MYO7A: variants seen among roughly 807,000 people sequenced by gnomAD.
The protein encoded by MYO7A is myosin VIIA, also known as unconventional myosin-VIIa.
A neutral mutation model predicts 263.8 loss-of-function variants in MYO7A; 210 were observed. That is an observed-to-expected ratio of 0.80 (90% CI 0.71 to 0.89). MYO7A has a LOEUF of 0.89. MYO7A is among the 40% of genes least tolerant of loss of function. The probability of loss-of-function intolerance (pLI) is 0.00; values close to 1 mark genes in which losing one functional copy is unlikely to be tolerated. For missense variants in MYO7A, 2,820 were observed against 2,968.3 expected (o/e 0.95, Z 1.16); for synonymous variants, 1,239 against 1,197.3 (o/e 1.03, Z -0.72).
intron 4 of MYO7A, among the ~76,000 whole-genome samples, chr11:77,149,387 G>T (rs1951813337): frequency 1.3e-5 from 2 of 152,194 alleles, no homozygotes. Context: ...GGTGGGTGAG[G>T]TTGGCTGGTA....
chr11:77,148,888 C>T (rs1170489734), intron 4 of MYO7A, among the ~76,000 whole-genome samples: 9 of 152,104 alleles, frequency 5.9e-5, no homozygotes, highest in Admixed American at 5.9e-4. Flanking sequence ...TTAATAAAGC[C>T]AACTGGATTC....
rs1958058630 is a variant in MYO7A at position 77,215,027 on chromosome 11, G to A, written c.*331G>A. ...ACCATGCAACTTCCTTTGACTTTCTGTGTACCACTGGGATAGAGGAATCAA... is the reference window on the plus strand; with the variant it reads ...ACCATGCAACTTCCTTTGACTTTCTATGTACCACTGGGATAGAGGAATCAA... On this transcript the variant is annotated 3_prime_UTR_variant, in exon 49 of 49. Transcript: ENST00000409709. The A allele has an allele frequency of 3.2e-6, 1 of 309,898 alleles. No individual in the cohort carries two copies. The highest frequency in any genetic ancestry group is 4.5e-5 in the Admixed American group (1 of 22,184). 19.2% of individuals were successfully genotyped at this position (309,898 alleles called of 1,614,324 possible).
At chr11:77,135,019 A>G (rs971338619) in intron 2 of MYO7A, among the ~76,000 whole-genome samples, 1 of 152,108 alleles carries the variant, frequency 6.6e-6, no homozygotes, top group Admixed American at 6.6e-5. Context: ...CCCTGACCTC[A>G]GGTGATCTGC....
chr11:77,183,033 C>T (rs1555085917), intron 25 of MYO7A, 35 bp from the exon 26 acceptor site: 5 of 1,533,322 alleles, frequency 3.3e-6, no homozygotes, highest in Admixed American at 3.9e-5. Flanking sequence ...GCTTTCTGCT[C>T]AGCCACTTGA....
At chr11:77,154,816 G>A (rs1555060138) in intron 4 of MYO7A, among the ~76,000 whole-genome samples, 1 of 152,170 alleles carries the variant, frequency 6.6e-6, no homozygotes, top group Non-Finnish European at 1.5e-5. Flanking sequence ...GGCCAGCCAA[G>A]GCCAGGACTG....
At chr11:77,167,975 C>G (rs569536471) in intron 15 of MYO7A, among the ~76,000 whole-genome samples, 12 of 152,176 alleles carry the variant, frequency 7.9e-5, no homozygotes, top group African/African-American at 2.7e-4. Context: ...AGCACTGGCA[C>G]CCAGGAGAGT....
intron 3 of MYO7A, among the ~76,000 whole-genome samples, chr11:77,146,634 G>T (rs1555053822): frequency 6.6e-6 from 1 of 152,084 alleles, no homozygotes; most frequent in African/African-American, 2.4e-5. Context: ...TGCCAGAAGG[G>T]ACCTGGAGGA....
In MYO7A at chr11:77,211,233, A is replaced by G; in HGVS notation, c.6133A>G (p.Lys2045Glu). ...GCTGGGGGCGCTGATCTACAGGGTC[A>G]AGTTCGAGGAGGACAAGTCCTACTT... ...LQLGALIYRVKFEEDKSYFPS... is the reference protein window; with the variant it reads ...LQLGALIYRVEFEEDKSYFPS... The change falls in exon 45 of 49, where the codon AAG (lysine) becomes GAG (glutamate). Residue 2045 changes from lysine to glutamate, a missense_variant. Coordinates refer to ENST00000409709, the MANE Select transcript of MYO7A (RefSeq NM_000260.4). 2 of 1,588,246 alleles carry G rather than the reference A, an allele frequency of 1.3e-6. No homozygotes were observed. The highest frequency in any genetic ancestry group is 1.7e-6 in the Non-Finnish European group (2 of 1,167,544).
rs2135504248 is a variant in MYO7A at position 77,183,052 on chromosome 11, C to T, written c.3286-16C>T. On this transcript the variant is annotated splice_polypyrimidine_tract_variant and intron_variant, in intron 25 of 48. Transcript: ENST00000409709. ...TCTGCTCAGCCACTTGACCCTGATCCCTGCTGGTCCTGCAGGCCCAGCTCC... is the reference window on the plus strand; with the variant it reads ...TCTGCTCAGCCACTTGACCCTGATCTCTGCTGGTCCTGCAGGCCCAGCTCC... The T allele has an allele frequency of 6.5e-7, 1 of 1,549,618 alleles. No homozygotes were observed. Among genetic ancestry groups the T allele is most frequent in the East Asian group, 2.4e-5 (1 of 40,914 alleles).
At chr11:77,185,161 C>CT (rs1262708350) in intron 27 of MYO7A, among the ~76,000 whole-genome samples, 12 of 152,092 alleles carry the variant, frequency 7.9e-5, no homozygotes, top group African/African-American at 2.9e-4. Context: ...AGGGTCTTGC[C>CT]TTGATGTTGA....
At chr11:77,143,729 C>T (rs782789658) in intron 3 of MYO7A, among the ~76,000 whole-genome samples, 35 of 152,184 alleles carry the variant, frequency 2.3e-4, no homozygotes, top group Non-Finnish European at 7.3e-5. Context: ...TGCGGTGTGC[C>T]AGGGGCTGGG....
chr11:77,189,288 G>T, intron 27 of MYO7A, 56 bp from the exon 28 acceptor site: 1 of 1,604,898 alleles, frequency 6.2e-7, no homozygotes, highest in South Asian at 1.1e-5. Context: ...AGGAGGTGGG[G>T]ACCGGGGCTG....
chr11:77,184,467 GTTC>G (rs1955511012), intron 26 of MYO7A, 118 bp from the exon 27 acceptor site: 1 of 822,768 alleles, frequency 1.2e-6, no homozygotes, highest in African/African-American at 1.7e-5. Flanking sequence ...GGGGAGCCCA[GTTC>G]TTCTGCTCAC....
intron 2 of MYO7A, among the ~76,000 whole-genome samples, chr11:77,140,670 G>T (rs1951158272): frequency 6.6e-6 from 1 of 152,228 alleles, no homozygotes; most frequent in Admixed American, 6.5e-5. Flanking sequence ...GGCTGTCAGG[G>T]GTAAGCCCAG....
rs777541389 is a variant in MYO7A at position 77,213,928 on chromosome 11, C to G, written c.6507C>G (p.Ile2169Met). The G allele has an allele frequency of 6.2e-7, 1 of 1,614,086 alleles. No homozygotes were observed. The highest frequency in any genetic ancestry group is 1.3e-5 in the African/African-American group (1 of 75,080). The change falls in exon 48 of 49, where the codon ATC (isoleucine) becomes ATG (methionine). Residue 2169 changes from isoleucine (I) to methionine (M), a missense_variant. Physicochemically the swap from Ile to Met is conservative, Grantham distance 10 (BLOSUM62 1). Transcript: ENST00000409709. Reference protein sequence around the residue: ...NWSSGNTYFHITIGNLVRGSK... With the variant: ...NWSSGNTYFHMTIGNLVRGSK... ...GCAGCGGCAACACCTACTTCCACAT[C>G]ACCATTGGGAACTTGGTGCGCGGGA...
chr11:77,179,001 C>A, intron 19 of MYO7A, 44 bp from the exon 20 acceptor site: 1 of 1,512,096 alleles, frequency 6.6e-7, no homozygotes, highest in African/African-American at 1.4e-5. Flanking sequence ...TGTACCCTGG[C>A]TGCCTCTGGA....
intron 39 of MYO7A, among the ~76,000 whole-genome samples, 184 bp from the exon 40 acceptor site, chr11:77,205,278 C>G (rs1470467980): frequency 6.6e-6 from 1 of 152,130 alleles, no homozygotes; most frequent in Non-Finnish European, 1.5e-5. Flanking sequence ...CTAGTTGCAT[C>G]TGGCTGTCAG....
rs116230063 is a variant in MYO7A at position 77,152,254 on chromosome 11, C to T, written c.286-3653C>T. On this transcript the variant is annotated intron_variant, in intron 4 of 48. Transcript: ENST00000409709. ...TTTTTTTCTGCACAGATGGTAGCAT[C>T]CCTCCCACGCTGTTCTGTGGTTTTC... Among the ~76,000 whole-genome samples the T allele has an allele frequency of 1.9e-3, 290 of 152,342 alleles. 2 individuals carry two copies. The highest frequency in any genetic ancestry group is 6.4e-3 in the African/African-American group (268 of 41,578).
At position 77,156,061 on chromosome 11, in the gene MYO7A, G is replaced by A. The variant is rs111033512; in HGVS notation, c.440G>A (p.Arg147His). Residue 147 changes from arginine to histidine, a missense_variant, in exon 5 of 49, where the codon CGC (arginine) becomes CAC (histidine). Coordinates refer to ENST00000409709, the MANE Select transcript of MYO7A (RefSeq NM_000260.4). ...GACAACTGCTACTTCAACATGAAAC[G>A]CAACAGCCGAGACCAGTGCTGCATC... ...IADNCYFNMK[R>H]NSRDQCCIIS... 38 of 1,613,818 alleles carry A rather than the reference G, an allele frequency of 2.4e-5. No individual in the cohort carries two copies. The highest frequency in any genetic ancestry group is 4.0e-5 in the African/African-American group (3 of 75,038).
Sources: gnomAD v4.1 joint callset for allele counts (sites outside exome capture counted in the v4.1 genomes callset) on GRCh38, gnomAD v4.1.1 for gene constraint, MANE v1.5 for transcripts, NCBI Gene and HGNC (gene_info 2026-07-23, HGNC 2026-07-21) for gene names.